Variants in IGSF11 observed in about 807,000 individuals in gnomAD.
IGSF11 encodes the protein CXADR like 1.
Under a neutral mutation model 41.0 loss-of-function variants are expected in IGSF11, and 22 were observed. The ratio of observed to expected loss-of-function variants is 0.54; its 90% CI spans 0.38 to 0.77. The LOEUF (loss-of-function observed/expected upper bound fraction) is 0.77. Ranked by LOEUF, IGSF11 falls within the 30% of genes least tolerant of loss-of-function variation. The probability of loss-of-function intolerance (pLI) is 0.00; values close to 1 mark genes in which losing one functional copy is unlikely to be tolerated. For missense variants in IGSF11, 444 were observed against 530.8 expected (o/e 0.84, Z 1.61); for synonymous variants, 219 against 201.3 (o/e 1.09, Z -0.74).
At chr3:119,093,551 C>A (rs1465981349) in intron 1 of IGSF11, among the ~76,000 whole-genome samples, 1 of 152,074 alleles carries the variant, frequency 6.6e-6, no homozygotes, top group Non-Finnish European at 1.5e-5. Context: ...ACGTCAATAC[C>A]GAAAGCAAAG....
intron 1 of IGSF11, among the ~76,000 whole-genome samples, chr3:118,977,301 C>CTGCT (rs1413681408): frequency 2.0e-5 from 3 of 152,164 alleles, no homozygotes; most frequent in Non-Finnish European, 4.4e-5. Flanking sequence ...CTCAGACAGG[C>CTGCT]AGCAACAGCT....
intron 1 of IGSF11, among the ~76,000 whole-genome samples, chr3:118,934,992 ACAATAGCT>A (rs141871035): frequency 2.0e-5 from 3 of 152,108 alleles, no homozygotes; most frequent in Non-Finnish European, 4.4e-5. Context: ...CTCATCATTT[ACAATAGCT>A]CAAGTGATAC....
At chr3:118,965,724 C>T (rs1281871159) in intron 1 of IGSF11, among the ~76,000 whole-genome samples, 3 of 151,930 alleles carry the variant, frequency 2.0e-5, no homozygotes, top group Admixed American at 6.6e-5. Flanking sequence ...GCTCTCAGTG[C>T]GAAGCATTAG....
chr3:119,025,015 A>G (rs945610338), intron 1 of IGSF11, among the ~76,000 whole-genome samples: 2 of 152,226 alleles, frequency 1.3e-5, no homozygotes, highest in African/African-American at 4.8e-5. Flanking sequence ...CAATTTTAAA[A>G]TAAATTTTAA....
chr3:118,964,721 TA>T (rs1292242942), intron 1 of IGSF11, among the ~76,000 whole-genome samples: 2 of 152,178 alleles, frequency 1.3e-5, no homozygotes, highest in African/African-American at 2.4e-5. Flanking sequence ...AGGAGAATAT[TA>T]AAAAAACTCA....
intron 1 of IGSF11, among the ~76,000 whole-genome samples, chr3:119,086,867 T>C (rs1449084676): frequency 2.0e-5 from 3 of 152,074 alleles, no homozygotes; most frequent in Non-Finnish European, 2.9e-5. Flanking sequence ...AACAACCAGC[T>C]AACAATATGA....
chr3:119,092,301 T>A lies in IGSF11; in HGVS notation c.49+12843A>T, dbSNP rs939843844. 1.9e-4 allele frequency among the ~76,000 whole-genome samples: 29 copies of A among 152,264 alleles called. 1 individual carries two copies. Among genetic ancestry groups the A allele is most frequent in the African/African-American group, 6.7e-4 (28 of 41,556 alleles). On this transcript the variant is annotated intron_variant, in intron 1 of 6. Transcript: ENST00000354673. ...AAATAAAGAAAAAATTTTTAATAAA[T>A]TTAGTGTAGCCTAAGTGGTATACAG...
chr3:118,929,877 G>A (rs184343248), intron 2 of IGSF11, among the ~76,000 whole-genome samples: 305 of 152,206 alleles, frequency 2.0e-3, no homozygotes, highest in Middle Eastern at 0.01. Context: ...AAAATTACAG[G>A]TTCCTACATA....
chr3:118,946,876 C>A (rs2107572404), intron 1 of IGSF11, among the ~76,000 whole-genome samples: 1 of 152,308 alleles, frequency 6.6e-6, no homozygotes, highest in Middle Eastern at 3.4e-3. Flanking sequence ...CTTTGGGAGG[C>A]CAAGGCGGGC....
chr3:118,966,539 C>T (rs1337258050), intron 1 of IGSF11, among the ~76,000 whole-genome samples: 4 of 152,102 alleles, frequency 2.6e-5, no homozygotes, highest in East Asian at 1.9e-4. Flanking sequence ...CATTTCCCTT[C>T]GAGCATTTAA....
At chr3:119,124,545 A>C (rs2077377334) in intron 1 of IGSF11, among the ~76,000 whole-genome samples, 1 of 151,406 alleles carries the variant, frequency 6.6e-6, no homozygotes, top group Non-Finnish European at 1.5e-5. Flanking sequence ...AGAGTCTTTT[A>C]ATGGCAGAAT....
intron 1 of IGSF11, among the ~76,000 whole-genome samples, chr3:119,048,091 G>C (rs1941446492): frequency 6.6e-6 from 1 of 151,258 alleles, no homozygotes; most frequent in East Asian, 1.9e-4. Context: ...AAAAGAACTA[G>C]AAAAGCAAGA....
At chr3:119,033,985 T>C (rs1043018415) in intron 1 of IGSF11, among the ~76,000 whole-genome samples, 1 of 152,230 alleles carries the variant, frequency 6.6e-6, no homozygotes, top group African/African-American at 2.4e-5. Context: ...CCTTTGGAGA[T>C]GAAGCTAGAG....
At chr3:119,067,089 T>C (rs1278121849) in intron 1 of IGSF11, among the ~76,000 whole-genome samples, 1 of 152,210 alleles carries the variant, frequency 6.6e-6, no homozygotes, top group African/African-American at 2.4e-5. Flanking sequence ...CTTGCCTCAA[T>C]GTAAATCTAG....
intron 1 of IGSF11, among the ~76,000 whole-genome samples, chr3:119,122,057 T>C (rs2107530534): frequency 6.6e-6 from 1 of 151,998 alleles, no homozygotes; most frequent in African/African-American, 2.4e-5. Context: ...ATTTAACAAG[T>C]ATCTACACAA....
At chr3:119,004,649 T>G (rs1285491038) in intron 1 of IGSF11, among the ~76,000 whole-genome samples, 1 of 148,388 alleles carries the variant, frequency 6.7e-6, no homozygotes, top group Non-Finnish European at 1.5e-5. Flanking sequence ...TCCCAGAGAT[T>G]CTGGTATGTT....
chr3:118,969,651 T>C (rs1933149788), intron 1 of IGSF11, among the ~76,000 whole-genome samples: 1 of 152,224 alleles, frequency 6.6e-6, no homozygotes, highest in Non-Finnish European at 1.5e-5. Flanking sequence ...AGTTTATTTC[T>C]GTACAACTGA....
chr3:118,973,363 C>G (rs894259371), intron 1 of IGSF11, among the ~76,000 whole-genome samples: 1 of 152,194 alleles, frequency 6.6e-6, no homozygotes, highest in Non-Finnish European at 1.5e-5. Context: ...TAAGTCCCCT[C>G]AAAACTAGGG....
intron 6 of IGSF11, among the ~76,000 whole-genome samples, chr3:118,903,713 A>G (rs1480078249): frequency 2.6e-5 from 4 of 152,212 alleles, no homozygotes; most frequent in Non-Finnish European, 5.9e-5. Flanking sequence ...TACACTTTAC[A>G]ATATGTTTCA....
Sources: gnomAD v4.1 joint callset for allele counts (sites outside exome capture counted in the v4.1 genomes callset) on GRCh38, gnomAD v4.1.1 for gene constraint, MANE v1.5 for transcripts, NCBI Gene and HGNC (gene_info 2026-07-23, HGNC 2026-07-21) for gene names.